The following KLF12 variants were observed in gnomAD, a reference collection of about 807,000 sequenced individuals.
The protein encoded by KLF12 is Krueppel-like factor 12.
KLF12 carries 9 observed loss-of-function variants against 37.8 expected under a neutral mutation model. The ratio of observed to expected loss-of-function variants is 0.24; its 90% CI spans 0.14 to 0.42. The LOEUF (loss-of-function observed/expected upper bound fraction) is 0.42, where lower values mean the gene tolerates loss of function less well. KLF12 is among the 10% of genes least tolerant of loss of function. KLF12 has a pLI of 1.00. For synonymous variants in KLF12, 208 were observed against 202.1 expected, an observed-to-expected ratio of 1.03 and a Z score of -0.25; for missense variants, 411 against 516.0, an observed-to-expected ratio of 0.80 and a Z score of 1.97.
the KLF12 span, among the ~76,000 whole-genome samples, chr13:74,172,872 C>A: frequency 1.3e-5 from 2 of 152,194 alleles, no homozygotes; most frequent in Non-Finnish European, 2.9e-5. Flanking sequence ...TGCCTCAGGT[C>A]CACCCTTTTT....
chr13:74,258,341 T>A, the KLF12 span: 12 of 152,178 alleles, frequency 7.9e-5, no homozygotes, highest in Admixed American at 3.3e-4. Context: ...TGTGTGACTT[T>A]GCTGAAGTCA....
chr13:73,763,608 C>G (rs9600167), intron 6 of KLF12, among the ~76,000 whole-genome samples: 53,497 of 151,940 alleles, frequency 0.35, 10,407 homozygotes, highest in African/African-American at 0.52. Context: ...AAAAGAAACT[C>G]TGTTATTTAC....
At chr13:74,161,083 T>TG in the KLF12 span, among the ~76,000 whole-genome samples, 258 of 151,500 alleles carry the variant, frequency 1.7e-3, 1 homozygote, top group African/African-American at 5.8e-3. Context: ...TTTTTTTTTT[T>TG]TAATTGACAA....
intron 2 of KLF12, among the ~76,000 whole-genome samples, chr13:73,960,771 T>G (rs1890998253): frequency 6.6e-6 from 1 of 152,198 alleles, no homozygotes; most frequent in South Asian, 2.1e-4. Context: ...TTTGCAAATA[T>G]TTTCATTATG....
the KLF12 span, among the ~76,000 whole-genome samples, chr13:74,164,184 G>C: frequency 6.6e-6 from 1 of 152,066 alleles, no homozygotes; most frequent in Non-Finnish European, 1.5e-5. Context: ...AATGATCACA[G>C]ACAGATCATT....
the KLF12 span, among the ~76,000 whole-genome samples, chr13:74,202,948 T>C: frequency 6.6e-6 from 1 of 152,100 alleles, no homozygotes; most frequent in Admixed American, 6.6e-5. Context: ...ATAATGAGGC[T>C]GCCAATAAAA....
At chr13:74,251,785 G>A in the KLF12 span, among the ~76,000 whole-genome samples, 5 of 152,198 alleles carry the variant, frequency 3.3e-5, no homozygotes, top group Admixed American at 2.6e-4. Context: ...CAAGTTGGCT[G>A]TGACATGAGG....
chr13:73,934,834 T>G (rs1889850715), intron 3 of KLF12, among the ~76,000 whole-genome samples: 1 of 152,040 alleles, frequency 6.6e-6, no homozygotes, highest in Non-Finnish European at 1.5e-5. Flanking sequence ...AGTCCAATTG[T>G]AGGTATGATA....
At chr13:74,077,184 G>A (rs1021273417) in intron 1 of KLF12, among the ~76,000 whole-genome samples, 1 of 152,108 alleles carries the variant, frequency 6.6e-6, no homozygotes, top group Non-Finnish European at 1.5e-5. Context: ...TTGCTGGATC[G>A]AATGGTAGTT....
At chr13:73,949,255 T>C (rs1387524140) in intron 2 of KLF12, among the ~76,000 whole-genome samples, 1 of 152,092 alleles carries the variant, frequency 6.6e-6, no homozygotes, top group African/African-American at 2.4e-5. Context: ...AGAAAAAAAA[T>C]ATGAACACCT....
At chr13:74,149,798 T>C in the KLF12 span, among the ~76,000 whole-genome samples, 6 of 151,802 alleles carry the variant, frequency 4.0e-5, no homozygotes, top group Non-Finnish European at 7.4e-5. Flanking sequence ...ATCTCCCAGG[T>C]TTCTCTCTCA....
Position 73,846,053 on chromosome 13 carries a change from A to G in KLF12, c.444T>C (p.Leu148=), listed in dbSNP as rs200536468. ...CTCCAACACCAGATGCAGAGGCCAC[A>G]AGGGGCCCTGGAGTTAATACTGTTG... Residue 148 remains leucine (L), a synonymous_variant, in exon 4 of 8, where the codon CTT becomes CTC. Coordinates refer to ENST00000377669, the MANE Select transcript of KLF12 (RefSeq NM_007249.5). The G allele has an allele frequency of 8.1e-6, 13 of 1,613,978 alleles. No individual in the cohort carries two copies. Among genetic ancestry groups the G allele is most frequent in the Middle Eastern group, 1.6e-4 (1 of 6,062 alleles).
At chr13:74,057,421 A>G (rs536566287) in intron 1 of KLF12, among the ~76,000 whole-genome samples, 2 of 152,314 alleles carry the variant, frequency 1.3e-5, no homozygotes, top group African/African-American at 4.8e-5. Context: ...CTCCCAAAGA[A>G]CAGGTTACAG....
intron 7 of KLF12, among the ~76,000 whole-genome samples, chr13:73,712,960 C>G (rs1450409243): frequency 1.3e-5 from 2 of 152,138 alleles, no homozygotes; most frequent in African/African-American, 2.4e-5. Context: ...GTGATATTTA[C>G]TTTATTGGGA....
At chr13:73,756,554 C>A (rs1276662744) in intron 6 of KLF12, among the ~76,000 whole-genome samples, 1 of 152,094 alleles carries the variant, frequency 6.6e-6, no homozygotes, top group African/African-American at 2.4e-5. Context: ...TAAGGCATTA[C>A]GACCTTATGG....
At chr13:74,261,539 A>T in the KLF12 span, among the ~76,000 whole-genome samples, 1 of 152,214 alleles carries the variant, frequency 6.6e-6, no homozygotes, top group African/African-American at 2.4e-5. Flanking sequence ...AGAAAAGATA[A>T]AAAAAGTTTG....
At chr13:73,855,586 A>G (rs1460440669) in intron 3 of KLF12, among the ~76,000 whole-genome samples, 1 of 152,184 alleles carries the variant, frequency 6.6e-6, no homozygotes, top group Non-Finnish European at 1.5e-5. Context: ...TGATAGAATG[A>G]CTTATATTCC....
chr13:74,169,308 C>T, the KLF12 span, among the ~76,000 whole-genome samples: 2 of 152,118 alleles, frequency 1.3e-5, no homozygotes, highest in Admixed American at 6.5e-5. Flanking sequence ...ATCTACTTTT[C>T]ACCATCTAAC....
At chr13:74,031,644 C>T (rs1409463754) in intron 1 of KLF12, among the ~76,000 whole-genome samples, 1 of 152,080 alleles carries the variant, frequency 6.6e-6, no homozygotes, top group Non-Finnish European at 1.5e-5. Context: ...CTTCCATCTA[C>T]AAGCAGTGCA....
Sources: allele counts gnomAD v4.1 joint callset (sites outside exome capture counted in the v4.1 genomes callset), GRCh38; gene constraint gnomAD v4.1.1; transcripts MANE v1.5; gene names NCBI Gene and HGNC (gene_info 2026-07-23, HGNC 2026-07-21).